Variants in SLC17A3 observed in about 807,000 individuals in gnomAD.
SLC17A3 encodes the protein solute carrier family 17 member 3.
Under a neutral mutation model 60.3 loss-of-function variants are expected in SLC17A3, and 61 were observed. That is an observed-to-expected ratio of 1.01 (90% confidence interval 0.82 to 1.25). The LOEUF (loss-of-function observed/expected upper bound fraction) is 1.25. SLC17A3 is among the 50% of genes most tolerant of loss of function. The pLI is 0.00. For synonymous variants in SLC17A3, 192 were observed against 208.9 expected, an observed-to-expected ratio of 0.92 and a Z score of 0.70; for missense variants, 624 against 594.9, an observed-to-expected ratio of 1.05 and a Z score of -0.51.
At chr6:25,849,225 T>C in intron 11 of SLC17A3, 149 bp downstream of exon 11, 5 of 655,192 alleles carry the variant, frequency 7.6e-6, no homozygotes. Flanking sequence ...ACCAAAGAAA[T>C]GATTCTATAT....
Position 25,845,199 on chromosome 6 carries a change from C to A in SLC17A3, c.*102G>T. 2 of 550,144 alleles carry A rather than the reference C, an allele frequency of 3.6e-6. No homozygotes were observed. Among genetic ancestry groups the A allele is most frequent in the South Asian group, 2.1e-5 (1 of 46,552 alleles). The allele number at this position is 550,144 out of a possible 1,614,324, so 34.1% of individuals were successfully genotyped here. ...AACTGATCTCATAATTGAAAAGAGC[C>A]ACAGGAAAAAAAAAATCTTTTCACT... On this transcript the variant is annotated 3_prime_UTR_variant, in exon 13 of 13. Transcript: ENST00000397060.
At chr6:25,856,630 G>A (rs191684747) in intron 5 of SLC17A3, among the ~76,000 whole-genome samples, 55 of 151,802 alleles carry the variant, frequency 3.6e-4, no homozygotes, top group African/African-American at 1.3e-3. Flanking sequence ...GGCGAATCAT[G>A]AGGTTAGGAG....
intron 2 of SLC17A3, among the ~76,000 whole-genome samples, chr6:25,866,991 A>T: frequency 6.6e-6 from 1 of 151,982 alleles, no homozygotes; most frequent in East Asian, 1.9e-4. Flanking sequence ...AACTCAATTG[A>T]TCAACTGATT....
rs1765457328 is a variant in SLC17A3, at chr6:25,862,028, G to A, written c.305C>T (p.Ala102Val). The change falls in exon 4 of 13, where the codon GCT becomes GTT. Residue 102 changes from alanine to valine, a missense_variant and splice_region_variant. Transcript: ENST00000397060. ...TTGAGGAGACCAGTCATACACAGGA[G>A]CCTTAGAGAAACAGAGAATGCTGTA... ...SKAPKSLPAK[A>V]PVYDWSPQIQ... The A allele has an allele frequency of 6.3e-7, 1 of 1,598,114 alleles. No homozygotes were observed. The highest frequency in any genetic ancestry group is 8.5e-7 in the Non-Finnish European group (1 of 1,171,220).
intron 6 of SLC17A3, among the ~76,000 whole-genome samples, chr6:25,851,616 T>G (rs1461826006): frequency 6.6e-6 from 1 of 152,168 alleles, no homozygotes; most frequent in Non-Finnish European, 1.5e-5. Context: ...TGCATGTGGA[T>G]ATCCAATTTT....
chr6:25,866,847 G>A (rs1179424432), intron 2 of SLC17A3, among the ~76,000 whole-genome samples: 1 of 151,900 alleles, frequency 6.6e-6, no homozygotes, highest in Non-Finnish European at 1.5e-5. Context: ...TAAGATAATT[G>A]GTTACATAAG....
At chr6:25,848,191 T>G (rs2328896) in intron 11 of SLC17A3, among the ~76,000 whole-genome samples, 14,956 of 152,262 alleles carry the variant, frequency 0.098, 1,411 homozygotes, top group East Asian at 0.5. Context: ...CAATTGTGAA[T>G]TGTGCTGCCA....
At chr6:25,870,517 C>T (rs556339) in intron 1 of SLC17A3, among the ~76,000 whole-genome samples, 43,311 of 151,794 alleles carry the variant, frequency 0.29, 6,921 homozygotes, top group African/African-American at 0.43. Context: ...TTCTAAAATG[C>T]CAGGTTTCCA....
intron 1 of SLC17A3, among the ~76,000 whole-genome samples, chr6:25,870,802 T>C (rs1208577828): frequency 6.6e-6 from 1 of 152,032 alleles, no homozygotes; most frequent in East Asian, 1.9e-4. Context: ...ACCCTCTTAT[T>C]TTAGTAACAG....
At chr6:25,855,099 T>C in intron 6 of SLC17A3, 45 bp downstream of exon 6, 1 of 1,208,062 alleles carries the variant, frequency 8.3e-7, no homozygotes, top group Non-Finnish European at 1.2e-6. Context: ...CTGAGGAGAA[T>C]CTTTCTGCAT....
Position 25,868,402 on chromosome 6 carries a change from C to A in SLC17A3, c.-15G>T, listed in dbSNP as rs549907646. The A allele has an allele frequency of 1.9e-6, 3 of 1,605,040 alleles. No individual in the cohort carries two copies. The highest frequency in any genetic ancestry group is 2.6e-6 in the Non-Finnish European group (3 of 1,172,524). ...TTGGTGGCCATTGTGTTTCTCCTCT[C>A]CTAGTGAATGGTTTTCACCTATCAG... On this transcript the variant is annotated 5_prime_UTR_variant, in exon 2 of 13. Coordinates refer to ENST00000397060, the MANE Select transcript of SLC17A3 (RefSeq NM_001098486.2).
rs762583380 is a variant in SLC17A3, at chr6:25,845,517, C to A, written c.1363-1G>T. The A allele has an allele frequency of 6.2e-7, 1 of 1,613,980 alleles. No homozygotes were observed. Among genetic ancestry groups the A allele is most frequent in the Non-Finnish European group, 8.5e-7 (1 of 1,179,908 alleles). On this transcript the variant is annotated splice_acceptor_variant, in intron 11 of 12. Coordinates refer to ENST00000397060, the MANE Select transcript of SLC17A3 (RefSeq NM_001098486.2). LOFTEE classifies it high-confidence loss of function. ...CATTCCTCCACCCAAACTCAGGGTC[C>A]TGGAGACACAAAACCCCAAGTATAT...
chr6:25,871,556 G>A (rs886849449), intron 1 of SLC17A3, among the ~76,000 whole-genome samples: 3 of 151,824 alleles, frequency 2.0e-5, no homozygotes, highest in South Asian at 2.1e-4. Context: ...GTTAATGGGT[G>A]CAGCACACCA....
intron 12 of SLC17A3, 27 bp downstream of exon 12, chr6:25,845,353 A>G: frequency 1.9e-6 from 3 of 1,613,520 alleles, no homozygotes; most frequent in Non-Finnish European, 2.5e-6. Context: ...TATGGCTATA[A>G]CCATGCATAA....
chr6:25,867,510 G>T (rs1454187601), intron 2 of SLC17A3, among the ~76,000 whole-genome samples: 2 of 151,926 alleles, frequency 1.3e-5, no homozygotes, highest in Non-Finnish European at 2.9e-5. Context: ...ATGTGGACTA[G>T]TGTCATGTTA....
intron 1 of SLC17A3, among the ~76,000 whole-genome samples, chr6:25,870,472 T>C (rs1347790340): frequency 6.6e-6 from 1 of 152,068 alleles, no homozygotes; most frequent in African/African-American, 2.4e-5. Context: ...TGAGACTTTA[T>C]ACCCCCTACT....
intron 5 of SLC17A3, among the ~76,000 whole-genome samples, chr6:25,857,670 A>G (rs1765380916): frequency 6.6e-6 from 1 of 152,242 alleles, no homozygotes; most frequent in Non-Finnish European, 1.5e-5. Context: ...AACTTGCCAA[A>G]GGTCACATTG....
At position 25,855,223 on chromosome 6, in the gene SLC17A3, T is replaced by A; in HGVS notation, c.633A>T (p.Leu211Phe). ...TGAGGATGGCAGTAAAGCATCCCAG[T>A]AACATTCCTGCAAAGAGAGAGAAAG... ...RLCSIALSGMLLGCFTAILIG... is the reference protein window; with the variant it reads ...RLCSIALSGMFLGCFTAILIG... The change falls in exon 6 of 13, where the codon TTA (leucine) becomes TTT (phenylalanine). Residue 211 changes from leucine (L) to phenylalanine (F), a missense_variant. By Grantham distance (22) the Leu-to-Phe change is conservative. Coordinates refer to ENST00000397060, the MANE Select transcript of SLC17A3 (RefSeq NM_001098486.2). 6.2e-7 allele frequency: 1 copy of A among 1,612,478 alleles called. No individual in the cohort carries two copies. The highest frequency in any genetic ancestry group is 8.5e-7 in the Non-Finnish European group (1 of 1,178,754).
Position 25,849,812 on chromosome 6 carries a change from C to A in SLC17A3, c.1264G>T (p.Ala422Ser). ...TGGAGATCAGAGTCCTACCTTGGAG[C>A]AATATCTAAGACATTGATATAAATC... is the stretch of plus-strand genomic sequence containing the variant. ...SGIYINVLDI[A>S]PRYSSFLMGA... is the part of the protein sequence containing the mutation. Residue 422 changes from alanine (A) to serine (S), a missense_variant, in exon 10 of 13, where the codon GCT becomes TCT. Coordinates refer to ENST00000397060, the MANE Select transcript of SLC17A3 (RefSeq NM_001098486.2). The A allele has an allele frequency of 6.2e-7, 1 of 1,613,664 alleles. No individual in the cohort carries two copies. Among genetic ancestry groups the A allele is most frequent in the South Asian group, 1.1e-5 (1 of 91,048 alleles).
Sources: gnomAD v4.1 joint callset for allele counts (sites outside exome capture counted in the v4.1 genomes callset) on GRCh38, gnomAD v4.1.1 for gene constraint, MANE v1.5 for transcripts, NCBI Gene and HGNC (gene_info 2026-07-23, HGNC 2026-07-21) for gene names.